ZDHHC13: variants seen among roughly 807,000 people sequenced by gnomAD.
ZDHHC13 encodes the protein palmitoyltransferase ZDHHC13.
In ZDHHC13, 85 loss-of-function variants were observed where a neutral mutation model predicts 86.0. That is an observed-to-expected ratio of 0.99 (90% confidence interval 0.83 to 1.18). ZDHHC13 has a LOEUF of 1.18. ZDHHC13 is among the 50% of genes most tolerant of loss of function. The pLI is 0.00. For synonymous variants in ZDHHC13, 263 were observed against 246.4 expected, an observed-to-expected ratio of 1.07 and a Z score of -0.63; for missense variants, 711 against 730.2, an observed-to-expected ratio of 0.97 and a Z score of 0.30.
rs752893347 is a variant in ZDHHC13 at position 19,155,888 on chromosome 11, T to G, written c.966T>G (p.Cys322Trp). 1 of 1,612,210 alleles carries G rather than the reference T, an allele frequency of 6.2e-7. No individual in the cohort carries two copies. Among genetic ancestry groups the G allele is most frequent in the Non-Finnish European group, 8.5e-7 (1 of 1,179,606 alleles). Residue 322 changes from cysteine (C) to tryptophan (W), a missense_variant, in exon 9 of 17, where the codon TGT becomes TGG. Coordinates refer to ENST00000446113, the MANE Select transcript of ZDHHC13 (RefSeq NM_019028.3). ...CAGATTCTTGGCTTTTAAAAGGATGTCTTCTAGTAACACTGTTTTTTCTGA... is the reference window on the plus strand; with the variant it reads ...CAGATTCTTGGCTTTTAAAAGGATGGCTTCTAGTAACACTGTTTTTTCTGA... ...FNSDSWLLKG[C>W]LLVTLFFLTS...
intron 1 of ZDHHC13, among the ~76,000 whole-genome samples, chr11:19,129,922 C>G (rs1410822247): frequency 6.6e-6 from 1 of 152,052 alleles, no homozygotes; most frequent in African/African-American, 2.4e-5. Flanking sequence ...GAAACCCTGT[C>G]TCTACTAAAA....
chr11:19,152,354 A>G lies in ZDHHC13; in HGVS notation c.747+34A>G, dbSNP rs866924975. 3.7e-6 allele frequency: 6 copies of G among 1,600,708 alleles called. No homozygotes were observed. The South Asian group carries it at 5.6e-5, about 15-fold the overall frequency. On this transcript the variant is annotated intron_variant, in intron 7 of 16. Coordinates refer to ENST00000446113, the MANE Select transcript of ZDHHC13 (RefSeq NM_019028.3). ...AGATATTTATCTCCCTTAGTTTATT[A>G]TATCTTGAGTTAGAAGATTGATAAA... is the stretch of plus-strand genomic sequence containing the variant.
In ZDHHC13 at chr11:19,149,215, T is replaced by G. The variant is rs886251812; in HGVS notation, c.403T>G (p.Leu135Val). Residue 135 changes from leucine to valine, a missense_variant, in exon 5 of 17, where the codon TTA becomes GTA. Transcript: ENST00000446113. Reference sequence around the variant, plus strand: ...AGGACATTTACCTATGGTCATATTATTACTCCAGCATGGTGCAGACCCCAC... The same window carrying G: ...AGGACATTTACCTATGGTCATATTAGTACTCCAGCATGGTGCAGACCCCAC... Reference protein sequence around the residue: ...RQGHLPMVILLLQHGADPTLI... With the variant: ...RQGHLPMVILVLQHGADPTLI... 7.5e-6 allele frequency: 12 copies of G among 1,596,976 alleles called. No individual in the cohort carries two copies. Among genetic ancestry groups the G allele is most frequent in the Non-Finnish European group, 1.0e-5 (12 of 1,169,654 alleles).
At chr11:19,167,393 C>T (rs757210620) in intron 14 of ZDHHC13, 1 of 152,182 alleles carries the variant, frequency 6.6e-6, no homozygotes, top group Non-Finnish European at 1.5e-5. Context: ...CTGTGTCTCT[C>T]TGTCTCTTTA....
chr11:19,166,702 G>A (rs7123435), intron 14 of ZDHHC13: 167,091 of 167,698 alleles, frequency 1, 83,250 homozygotes, highest in Middle Eastern at 1. Context: ...GCTGGAGGTG[G>A]TAACTGAATA....
At chr11:19,158,541 A>T (rs1385511389) in intron 9 of ZDHHC13, among the ~76,000 whole-genome samples, 1 of 152,186 alleles carries the variant, frequency 6.6e-6, no homozygotes, top group East Asian at 1.9e-4. Flanking sequence ...GCTAAATGTA[A>T]AGGTGAATCT....
intron 2 of ZDHHC13, among the ~76,000 whole-genome samples, chr11:19,145,387 A>G (rs906475369): frequency 2.6e-5 from 4 of 152,142 alleles, no homozygotes; most frequent in African/African-American, 7.2e-5. Flanking sequence ...AGCAGCTTCC[A>G]TACTGCCTCC....
At chr11:19,170,116 G>C in intron 14 of ZDHHC13, 1 of 1,195,372 alleles carries the variant, frequency 8.4e-7, no homozygotes, top group Non-Finnish European at 1.0e-6. Context: ...CTTCAGGCTA[G>C]TATATCTTAT....
chr11:19,153,528 G>T (rs1384549509), intron 8 of ZDHHC13, among the ~76,000 whole-genome samples: 2 of 152,200 alleles, frequency 1.3e-5, no homozygotes, highest in East Asian at 3.8e-4. Flanking sequence ...GGCATGTGGA[G>T]TGGGGAGAGA....
At chr11:19,129,659 T>G (rs1395583321) in intron 1 of ZDHHC13, among the ~76,000 whole-genome samples, 1 of 152,184 alleles carries the variant, frequency 6.6e-6, no homozygotes, top group Non-Finnish European at 1.5e-5. Flanking sequence ...TGTATAGTCT[T>G]TTTTATATAT....
chr11:19,166,206 G>T, intron 13 of ZDHHC13, 96 bp from the exon 14 acceptor site: 1 of 944,266 alleles, frequency 1.1e-6, no homozygotes, highest in Non-Finnish European at 1.6e-6. Flanking sequence ...TTTTACTTTG[G>T]TGAAGACTTT....
Position 19,170,533 on chromosome 11 carries a change from T to C in ZDHHC13, c.1597T>C (p.Trp533Arg). The C allele has an allele frequency of 6.5e-7, 1 of 1,531,220 alleles. No individual in the cohort carries two copies. Among genetic ancestry groups the C allele is most frequent in the East Asian group, 2.4e-5 (1 of 40,882 alleles). 94.9% of individuals were successfully genotyped at this position (1,531,220 alleles called of 1,614,324 possible). ...ILMLATFHFS[W>R]STFLLLNQLF... ...GATGCTAGCAACTTTCCATTTCTCA[T>C]GGTCAACATTTTTATTATTAAATCA... The change falls in exon 15 of 17, where the codon TGG becomes CGG. Residue 533 changes from tryptophan to arginine, a missense_variant. Transcript: ENST00000446113.
chr11:19,119,047 G>C (rs1371067728), intron 1 of ZDHHC13, among the ~76,000 whole-genome samples: 1 of 152,166 alleles, frequency 6.6e-6, no homozygotes, highest in Non-Finnish European at 1.5e-5. Context: ...TTCCAAGATC[G>C]GTGCTGTTGG....
At chr11:19,147,855 C>T (rs1425875345) in intron 4 of ZDHHC13, among the ~76,000 whole-genome samples, 182 bp downstream of exon 4, 1 of 143,562 alleles carries the variant, frequency 7.0e-6, no homozygotes, top group African/African-American at 2.5e-5. Context: ...TTTAGGGCTT[C>T]ATTATGATTA....
Position 19,163,326 on chromosome 11 carries a change from T to G in ZDHHC13, c.1132T>G (p.Phe378Val). 1 of 1,595,642 alleles carries G rather than the reference T, an allele frequency of 6.3e-7. No homozygotes were observed. The highest frequency in any genetic ancestry group is 8.5e-7 in the Non-Finnish European group (1 of 1,172,766). ...FPDLAGAPFY[F>V]SFIFSIVAFL... Reference sequence around the variant, plus strand: ...ACATTTAGCAGGAGCCCCTTTCTATTTCAGTTTCATTTTCAGCATAGTAGC... The same window carrying G: ...ACATTTAGCAGGAGCCCCTTTCTATGTCAGTTTCATTTTCAGCATAGTAGC... The change falls in exon 11 of 17, where the codon TTC (phenylalanine) becomes GTC (valine). Residue 378 changes from phenylalanine to valine, a missense_variant. Physicochemically the swap from Phe to Val is conservative, Grantham distance 50 (BLOSUM62 -1). Coordinates refer to ENST00000446113, the MANE Select transcript of ZDHHC13 (RefSeq NM_019028.3).
At chr11:19,125,094 A>G (rs1848845295) in intron 1 of ZDHHC13, among the ~76,000 whole-genome samples, 1 of 152,220 alleles carries the variant, frequency 6.6e-6, no homozygotes, top group South Asian at 2.1e-4. Flanking sequence ...CCAAAAGCAC[A>G]ATCCATAAAA....
chr11:19,156,257 G>A (rs1849754342), intron 9 of ZDHHC13, among the ~76,000 whole-genome samples: 1 of 151,960 alleles, frequency 6.6e-6, no homozygotes, highest in Non-Finnish European at 1.5e-5. Flanking sequence ...TCATCTTGAA[G>A]CATTTTTGCT....
chr11:19,169,389 G>C, intron 14 of ZDHHC13: 1 of 985,432 alleles, frequency 1.0e-6, no homozygotes, highest in Middle Eastern at 5.2e-4. Flanking sequence ...ATATATTCAT[G>C]AAAGATGGTT....
intron 8 of ZDHHC13, among the ~76,000 whole-genome samples, chr11:19,155,530 G>A (rs1349540792): frequency 2.1e-5 from 3 of 144,872 alleles, no homozygotes; most frequent in Admixed American, 7.1e-5. Flanking sequence ...GCAGTGAGCC[G>A]AGATCGCACC....
Sources: allele counts gnomAD v4.1 joint callset (sites outside exome capture counted in the v4.1 genomes callset), GRCh38; gene constraint gnomAD v4.1.1; transcripts MANE v1.5; gene names NCBI Gene and HGNC (gene_info 2026-07-23, HGNC 2026-07-21).